Variants in ITK observed in about 807,000 individuals in gnomAD.
ITK encodes the protein IL2 inducible T cell kinase.
ITK carries 45 observed loss-of-function variants against 87.6 expected under a neutral mutation model. The ratio of observed to expected loss-of-function variants is 0.51; its 90% CI spans 0.40 to 0.66. The LOEUF is 0.66. Among genes scored for constraint, ITK ranks in the 30% least tolerant of loss-of-function variants. The pLI is 0.00. For missense variants in ITK, 605 were observed against 766.3 expected (o/e 0.79, Z 2.48); for synonymous variants, 303 against 273.6 (o/e 1.11, Z -1.06).
chr5:157,247,978 AT>A lies in ITK; in HGVS notation c.1634-869del, dbSNP rs377372760. 2.9e-3 allele frequency among the ~76,000 whole-genome samples: 441 copies of A among 152,290 alleles called. 3 individuals are homozygous for A. The highest frequency in any genetic ancestry group is 1.0e-2 in the African/African-American group (414 of 41,564). On this transcript the variant is annotated intron_variant, in intron 15 of 16. Transcript: ENST00000422843. ...GTGTCTTGGGGTGATAAGCATTCTT[AT>A]TTAGGGTCAGGTTCTGAATTTCCAA...
At position 157,181,265 on chromosome 5, in the gene ITK, G is replaced by C. The variant is rs1031603146; in HGVS notation, c.138+150G>C. 2.7e-5 allele frequency: 24 copies of C among 891,344 alleles called. No homozygotes were observed. In the Admixed American group the frequency reaches 4.3e-4, roughly 16 times the overall value. 55.2% of individuals were successfully genotyped at this position (891,344 alleles called of 1,614,324 possible). On this transcript the variant is annotated intron_variant, in intron 1 of 16. Transcript: ENST00000422843. The stretch of plus-strand genomic sequence containing the variant: ...ATAAAAAGTACAGTAAAAGTAATCA[G>C]AGGAGAATGCAGAGAGCAGTCAAGA...
chr5:157,218,908 C>A (rs1364028735), intron 5 of ITK, among the ~76,000 whole-genome samples: 5 of 152,034 alleles, frequency 3.3e-5, no homozygotes, highest in Non-Finnish European at 7.4e-5. Flanking sequence ...GGGGGAGGGG[C>A]CCAGGAATCT....
intron 1 of ITK, among the ~76,000 whole-genome samples, chr5:157,205,885 T>G (rs1754068742): frequency 6.6e-6 from 1 of 152,200 alleles, no homozygotes; most frequent in Non-Finnish European, 1.5e-5. Context: ...TTTAGTTCTA[T>G]TTACGTGATG....
intron 16 of ITK, 36 bp downstream of exon 16, chr5:157,249,043 A>G (rs1199088877): frequency 5.6e-6 from 9 of 1,597,286 alleles, no homozygotes; most frequent in Non-Finnish European, 7.7e-6. Context: ...GCATTGTCGT[A>G]TACAATTTGA....
intron 9 of ITK, 75 bp downstream of exon 9, chr5:157,238,266 A>C: frequency 1.8e-6 from 2 of 1,128,406 alleles, no homozygotes; most frequent in Middle Eastern, 2.0e-4. Flanking sequence ...AAAAGACAAC[A>C]AAGTTAGACA....
intron 1 of ITK, among the ~76,000 whole-genome samples, chr5:157,199,075 G>A (rs1437822824): frequency 6.6e-6 from 1 of 152,118 alleles, no homozygotes; most frequent in East Asian, 1.9e-4. Context: ...TTTGCTAGTA[G>A]GTTTATGTAA....
chr5:157,216,272 G>A (rs1754296582), intron 4 of ITK, among the ~76,000 whole-genome samples: 1 of 152,182 alleles, frequency 6.6e-6, no homozygotes, highest in Admixed American at 6.5e-5. Flanking sequence ...CACATTGGCA[G>A]TGCGGGTCTA....
rs778532127 is a variant in ITK, at chr5:157,245,962, C to T, written c.1596C>T (p.Phe532=). ...GGGCATCCCCAGAGGTTTTCTCTTT[C>T]AGTCGCTATAGCAGCAAGTCCGATG... ...VKWASPEVFS[F]SRYSSKSDVW... Residue 532 remains phenylalanine, a synonymous_variant, in exon 15 of 17, where the codon TTC becomes TTT. Transcript: ENST00000422843. 27 of 1,613,920 alleles carry T rather than the reference C, an allele frequency of 1.7e-5. No individual in the cohort carries two copies. The highest frequency in any genetic ancestry group is 2.2e-5 in the Non-Finnish European group (26 of 1,179,896).
intron 8 of ITK, among the ~76,000 whole-genome samples, chr5:157,233,553 A>C (rs1439651550): frequency 6.6e-6 from 1 of 152,190 alleles, no homozygotes; most frequent in African/African-American, 2.4e-5. Context: ...GTCCCACCCC[A>C]GATCCACAGA....
chr5:157,239,760 A>C lies in ITK; in HGVS notation c.852-302A>C, dbSNP rs117987019. Among the ~76,000 whole-genome samples, 43 of 152,324 alleles carry C rather than the reference A, an allele frequency of 2.8e-4. No homozygotes were observed. The East Asian group carries it at 7.3e-3, about 26-fold the overall frequency. On this transcript the variant is annotated intron_variant, in intron 9 of 16. Transcript: ENST00000422843. ...GCTGACAATCAGTTAAATTCATAGAATAGGCAAGGCAAACACATAGCAAAT... is the reference window on the plus strand; with the variant it reads ...GCTGACAATCAGTTAAATTCATAGACTAGGCAAGGCAAACACATAGCAAAT...
Position 157,241,686 on chromosome 5 carries a change from G to A in ITK, c.1026G>A (p.Arg342=). The A allele has an allele frequency of 6.2e-7, 1 of 1,613,892 alleles. No individual in the cohort carries two copies. Among genetic ancestry groups the A allele is most frequent in the Non-Finnish European group, 8.5e-7 (1 of 1,179,864 alleles). Reference sequence around the variant, plus strand: ...TCCGGTATCCAGTTTGTTTTGGGAGGCAGAAAGCCCCAGTTACAGCAGGGC... The same window carrying A: ...TCCGGTATCCAGTTTGTTTTGGGAGACAGAAAGCCCCAGTTACAGCAGGGC... ...TRLRYPVCFG[R]QKAPVTAGLR... is the part of the protein sequence containing the mutation. The change falls in exon 11 of 17, where the codon AGG becomes AGA. Residue 342 remains arginine (R), a synonymous_variant. Coordinates refer to ENST00000422843, the MANE Select transcript of ITK (RefSeq NM_005546.4).
At chr5:157,206,262 C>G (rs145954809) in intron 1 of ITK, among the ~76,000 whole-genome samples, 1 of 152,086 alleles carries the variant, frequency 6.6e-6, no homozygotes, top group South Asian at 2.1e-4. Flanking sequence ...GCTGGATTAG[C>G]TTTTCGATGT....
chr5:157,202,536 T>C (rs1034292170), intron 1 of ITK, among the ~76,000 whole-genome samples: 1 of 152,198 alleles, frequency 6.6e-6, no homozygotes, highest in Non-Finnish European at 1.5e-5. Flanking sequence ...ATTCATTCTT[T>C]TGTTAATGGG....
chr5:157,222,259 G>A (rs552337281), intron 5 of ITK, among the ~76,000 whole-genome samples: 1 of 152,114 alleles, frequency 6.6e-6, no homozygotes, highest in Admixed American at 6.5e-5. Flanking sequence ...CCTCAATATG[G>A]ACATGAAGAA....
At chr5:157,197,329 C>T (rs60364993) in intron 1 of ITK, among the ~76,000 whole-genome samples, 2,656 of 152,308 alleles carry the variant, frequency 0.017, 72 homozygotes, top group African/African-American at 0.061. Flanking sequence ...CATCATTTCG[C>T]ACACCCAGCA....
At chr5:157,244,080 C>T (rs1754969893) in intron 12 of ITK, 182 bp from the exon 13 acceptor site, 1 of 698,764 alleles carries the variant, frequency 1.4e-6, no homozygotes, top group African/African-American at 1.8e-5. Context: ...CAGCTGACTC[C>T]TTGCCATTTT....
intron 1 of ITK, among the ~76,000 whole-genome samples, chr5:157,197,564 T>A (rs30116): frequency 0.044 from 6,697 of 152,320 alleles, 193 homozygotes; most frequent in African/African-American, 0.074. Flanking sequence ...GGAATGTTTT[T>A]CTTCTTGTAT....
At chr5:157,223,430 G>A (rs918164212) in intron 6 of ITK, among the ~76,000 whole-genome samples, 3 of 151,786 alleles carry the variant, frequency 2.0e-5, no homozygotes, top group Admixed American at 2.0e-4. Flanking sequence ...TATAGAGATG[G>A]TACAGATTGA....
intron 5 of ITK, among the ~76,000 whole-genome samples, chr5:157,222,120 C>T (rs1254753375): frequency 2.0e-5 from 3 of 152,192 alleles, no homozygotes; most frequent in Non-Finnish European, 4.4e-5. Flanking sequence ...GACTTCCTAA[C>T]ACTAAACCAC....
Sources: allele counts gnomAD v4.1 joint callset (sites outside exome capture counted in the v4.1 genomes callset), GRCh38; gene constraint gnomAD v4.1.1; transcripts MANE v1.5; gene names NCBI Gene and HGNC (gene_info 2026-07-23, HGNC 2026-07-21).